DAB1: variants seen among roughly 807,000 people sequenced by gnomAD.
DAB1 encodes the protein disabled homolog 1.
In DAB1, 15 loss-of-function variants were observed where a neutral mutation model predicts 64.6. The observed-to-expected ratio is 0.23, with a 90% CI of 0.16 to 0.36. DAB1 has a LOEUF of 0.36. Ranked by LOEUF, DAB1 falls within the 10% of genes least tolerant of loss-of-function variation. The pLI, the probability that DAB1 is intolerant of heterozygous loss-of-function variation, is 1.00. For missense variants in DAB1, 596 were observed against 706.7 expected (o/e 0.84, Z 1.78); for synonymous variants, 235 against 251.9 (o/e 0.93, Z 0.64).
intron 7 of DAB1, among the ~76,000 whole-genome samples, chr1:57,643,092 G>T (rs1430719506): frequency 1.1e-4 from 16 of 152,162 alleles, no homozygotes; most frequent in Admixed American, 1.0e-3. Context: ...GTGAGGCTTG[G>T]TCATCAATGC....
At chr1:57,508,300 CT>C (rs1197451046) in intron 7 of DAB1, among the ~76,000 whole-genome samples, 12 of 152,170 alleles carry the variant, frequency 7.9e-5, no homozygotes, top group Admixed American at 2.0e-4. Flanking sequence ...GCAGAGGCTT[CT>C]ATCTATGTTG....
chr1:58,387,849 C>G (rs1341584440), intron 3 of DAB1, among the ~76,000 whole-genome samples: 2 of 151,506 alleles, frequency 1.3e-5, no homozygotes, highest in South Asian at 2.1e-4. Context: ...GCCTCAGCCT[C>G]TGAAGTAGCT....
intron 5 of DAB1, among the ~76,000 whole-genome samples, chr1:58,135,298 T>C (rs1371115976): frequency 6.6e-6 from 1 of 151,948 alleles, no homozygotes; most frequent in Non-Finnish European, 1.5e-5. Context: ...TCTACAGAGA[T>C]TAATGGATAA....
intron 11 of DAB1, among the ~76,000 whole-genome samples, chr1:57,019,065 T>C (rs1398013463): frequency 1.3e-5 from 2 of 152,222 alleles, no homozygotes; most frequent in Admixed American, 6.5e-5. Flanking sequence ...CAGTACCCTG[T>C]GCTCACCTCT....
chr1:57,538,417 C>T (rs895315564), intron 7 of DAB1, among the ~76,000 whole-genome samples: 1 of 152,164 alleles, frequency 6.6e-6, no homozygotes, highest in Non-Finnish European at 1.5e-5. Flanking sequence ...CTACCTCCCT[C>T]CCTGGCTCCA....
intron 3 of DAB1, among the ~76,000 whole-genome samples, chr1:58,493,635 A>C (rs1645740909): frequency 6.6e-6 from 1 of 151,820 alleles, no homozygotes; most frequent in Admixed American, 6.5e-5. Flanking sequence ...AGACAAACAG[A>C]GAGCCAAATC....
Position 58,544,435 on chromosome 1 carries a change from C to A in DAB1, n.32+2268G>T, listed in dbSNP as rs563767192. Among the ~76,000 whole-genome samples, 6 of 152,206 alleles carry A rather than the reference C, an allele frequency of 3.9e-5. No homozygotes were observed. The South Asian group carries it at 1.2e-3, about 32-fold the overall frequency. ...ACAAAAATAAATCTGAAAAAAGATA[C>A]ACCAAACTATTCACAATTATTTTGA... On this transcript the variant is annotated intron_variant and non_coding_transcript_variant, in intron 1 of 20. Transcript: ENST00000485760.
chr1:57,278,988 C>T (rs900493727), intron 2 of DAB1, among the ~76,000 whole-genome samples: 2 of 152,190 alleles, frequency 1.3e-5, no homozygotes, highest in Non-Finnish European at 2.9e-5. Flanking sequence ...ATAGTAGCTA[C>T]CTTCATCACC....
intron 3 of DAB1, among the ~76,000 whole-genome samples, chr1:58,395,412 G>A (rs1185867871): frequency 2.6e-5 from 4 of 152,234 alleles, no homozygotes; most frequent in African/African-American, 9.6e-5. Flanking sequence ...TGTAAAATGG[G>A]AGAAGAATGA....
At chr1:58,356,757 A>G (rs1279816780) in intron 3 of DAB1, among the ~76,000 whole-genome samples, 1 of 152,094 alleles carries the variant, frequency 6.6e-6, no homozygotes, top group Non-Finnish European at 1.5e-5. Context: ...GCTGTGGCTC[A>G]TGTCTGTAAT....
At chr1:58,378,129 T>C (rs7513013) in intron 3 of DAB1, among the ~76,000 whole-genome samples, 2,078 of 123,976 alleles carry the variant, frequency 0.017, 68 homozygotes, top group African/African-American at 0.064. Flanking sequence ...GTTTGAATGT[T>C]CTCCCATAGC....
At chr1:57,109,875 C>G (rs1013641420) in intron 4 of DAB1, among the ~76,000 whole-genome samples, 2 of 152,070 alleles carry the variant, frequency 1.3e-5, no homozygotes, top group African/African-American at 4.8e-5. Flanking sequence ...AATCAATAGC[C>G]CCAGGTGTCA....
At chr1:57,235,707 T>TAAAAA (rs146853725) in intron 2 of DAB1, among the ~76,000 whole-genome samples, 2 of 148,024 alleles carry the variant, frequency 1.4e-5, no homozygotes, top group Non-Finnish European at 1.5e-5. Context: ...TTCAAAACTT[T>TAAAAA]AAAAAAGAAA....
intron 7 of DAB1, among the ~76,000 whole-genome samples, chr1:57,606,650 ATT>A (rs1491544249): frequency 0.014 from 1,494 of 109,964 alleles, 45 homozygotes; most frequent in African/African-American, 0.045. Context: ...TGAAATATAT[ATT>A]ATGTATGAAA....
intron 6 of DAB1, among the ~76,000 whole-genome samples, chr1:57,805,458 A>C (rs1557490763): frequency 6.6e-6 from 1 of 152,100 alleles, no homozygotes; most frequent in Non-Finnish European, 1.5e-5. Flanking sequence ...TCCCCAGGTT[A>C]TTTTCACTTG....
At chr1:57,921,088 G>A (rs1644801870) in intron 5 of DAB1, among the ~76,000 whole-genome samples, 1 of 152,160 alleles carries the variant, frequency 6.6e-6, no homozygotes. Flanking sequence ...ATAATATGGT[G>A]ATAAAATGGA....
chr1:58,176,702 G>A (rs546182733), intron 4 of DAB1, among the ~76,000 whole-genome samples: 17 of 152,214 alleles, frequency 1.1e-4, no homozygotes, highest in East Asian at 3.9e-4. Context: ...ACCTCCAGCC[G>A]GGCGCGGTGG....
At chr1:57,325,293 C>T (rs946452276) in intron 1 of DAB1, among the ~76,000 whole-genome samples, 3 of 152,168 alleles carry the variant, frequency 2.0e-5, no homozygotes, top group African/African-American at 4.8e-5. Context: ...GCTCTTAGCC[C>T]GAGTTAGCCT....
chr1:57,007,238 T>C (rs934910733), intron 14 of DAB1, among the ~76,000 whole-genome samples: 7 of 152,194 alleles, frequency 4.6e-5, no homozygotes, highest in African/African-American at 1.7e-4. Context: ...GACCAAACAA[T>C]TCCCCATTGT....
Sources: gnomAD v4.1 joint callset for allele counts (sites outside exome capture counted in the v4.1 genomes callset) on GRCh38, gnomAD v4.1.1 for gene constraint, MANE v1.5 for transcripts, NCBI Gene and HGNC (gene_info 2026-07-23, HGNC 2026-07-21) for gene names.